MYO1E: variants seen among roughly 807,000 people sequenced by gnomAD.
The protein encoded by MYO1E is myosin IE.
A neutral mutation model predicts 151.1 loss-of-function variants in MYO1E; 68 were observed. The observed-to-expected ratio is 0.45, with a 90% CI of 0.37 to 0.55. The LOEUF (loss-of-function observed/expected upper bound fraction) is 0.55, where lower values mean the gene tolerates loss of function less well. MYO1E is among the 20% of genes least tolerant of loss of function. The pLI is 0.00. For missense variants in MYO1E, 1,363 were observed against 1,389.3 expected (o/e 0.98, Z 0.30); for synonymous variants, 601 against 501.7 (o/e 1.20, Z -2.64).
intron 14 of MYO1E, 23 bp from the exon 15 acceptor site, chr15:59,205,508 C>A (rs771903798): frequency 3.9e-5 from 58 of 1,492,254 alleles, no homozygotes; most frequent in Non-Finnish European, 4.7e-5. Context: ...GGAAAGAAAT[C>A]GAATTTCATT....
chr15:59,186,378 T>C (rs1042869793), intron 18 of MYO1E, among the ~76,000 whole-genome samples: 4 of 150,364 alleles, frequency 2.7e-5, no homozygotes, highest in African/African-American at 5.0e-5. Flanking sequence ...AATTAACTTC[T>C]TCTTCAGTTA....
intron 9 of MYO1E, among the ~76,000 whole-genome samples, chr15:59,219,142 T>C (rs1041570474): frequency 6.6e-6 from 1 of 152,188 alleles, no homozygotes; most frequent in Non-Finnish European, 1.5e-5. Context: ...CTGTGGTCTT[T>C]GGATAGAAAA....
chr15:59,136,125 C>G lies in MYO1E; in HGVS notation c.*1255G>C, dbSNP rs186989586. ...TGGCTGTCTTCTCCCTGCCTTTTCACATGGTCTTTCCTCTGGCATGTTGGT... is the reference window on the plus strand; with the variant it reads ...TGGCTGTCTTCTCCCTGCCTTTTCAGATGGTCTTTCCTCTGGCATGTTGGT... On this transcript the variant is annotated 3_prime_UTR_variant, in exon 28 of 28. Transcript: ENST00000288235. 1.5e-4 allele frequency: 23 copies of G among 152,660 alleles called. No homozygotes were observed. Among genetic ancestry groups the G allele is most frequent in the African/African-American group, 5.3e-4 (22 of 41,580 alleles). 9.5% of individuals were successfully genotyped at this position (152,660 alleles called of 1,614,324 possible).
At chr15:59,174,280 G>A in intron 19 of MYO1E, 40 bp from the exon 20 acceptor site, 1 of 1,423,516 alleles carries the variant, frequency 7.0e-7, no homozygotes, top group Non-Finnish European at 9.9e-7. Context: ...CAAGCCCCAA[G>A]CCCCAATCCC....
chr15:59,216,592 G>A (rs554383298), intron 10 of MYO1E, among the ~76,000 whole-genome samples: 1,153 of 103,136 alleles, frequency 0.011, 26 homozygotes, highest in African/African-American at 0.038. Context: ...GTGTGTGTGT[G>A]TGTATCTATC....
At chr15:59,262,206 T>C (rs1195090329) in intron 2 of MYO1E, among the ~76,000 whole-genome samples, 1 of 137,716 alleles carries the variant, frequency 7.3e-6, no homozygotes, top group Non-Finnish European at 1.6e-5. Context: ...GACTCTTGTC[T>C]CCAAAAAAAA....
intron 13 of MYO1E, among the ~76,000 whole-genome samples, chr15:59,209,729 T>C (rs1428896013): frequency 6.6e-6 from 1 of 151,792 alleles, no homozygotes. Flanking sequence ...CTACGGATGT[T>C]TTTACTGTTT....
At chr15:59,209,037 G>T in intron 13 of MYO1E, 189 bp from the exon 14 acceptor site, 1 of 694,886 alleles carries the variant, frequency 1.4e-6, no homozygotes, top group Non-Finnish European at 2.4e-6. Context: ...GATCTAAAGA[G>T]GGAGGAAACT....
At chr15:59,196,484 G>C (rs575805928) in intron 16 of MYO1E, among the ~76,000 whole-genome samples, 1 of 152,234 alleles carries the variant, frequency 6.6e-6, no homozygotes, top group East Asian at 1.9e-4. Context: ...AGCCTAAAGA[G>C]AGAAAACCTC....
At chr15:59,232,854 G>T (rs1019392736) in intron 5 of MYO1E, among the ~76,000 whole-genome samples, 1 of 152,142 alleles carries the variant, frequency 6.6e-6, no homozygotes, top group Non-Finnish European at 1.5e-5. Context: ...GTTACAAAGG[G>T]TGTAACAGGC....
chr15:59,178,037 T>C (rs1313353233), intron 19 of MYO1E, among the ~76,000 whole-genome samples: 1 of 152,216 alleles, frequency 6.6e-6, no homozygotes, highest in African/African-American at 2.4e-5. Flanking sequence ...TATTGAGCAT[T>C]TTCTGTGTGA....
intron 10 of MYO1E, among the ~76,000 whole-genome samples, chr15:59,217,522 T>TTTTTC (rs2079926640): frequency 9.0e-6 from 1 of 110,704 alleles, no homozygotes; most frequent in Non-Finnish European, 1.8e-5. Flanking sequence ...GTTTTACCTT[T>TTTTTC]TTTTTTTTTT....
chr15:59,233,350 G>T (rs904250573), intron 5 of MYO1E, among the ~76,000 whole-genome samples: 3 of 152,146 alleles, frequency 2.0e-5, no homozygotes, highest in Non-Finnish European at 4.4e-5. Context: ...AGGGAAAAGA[G>T]AAAGAGCAAA....
intron 1 of MYO1E, among the ~76,000 whole-genome samples, chr15:59,276,965 G>A (rs866914895): frequency 3.3e-5 from 5 of 152,184 alleles, no homozygotes; most frequent in African/African-American, 1.2e-4. Context: ...GTCCCAGGGA[G>A]CACTGTTCTT....
chr15:59,275,464 T>C (rs1161537500), intron 1 of MYO1E, among the ~76,000 whole-genome samples: 1 of 152,076 alleles, frequency 6.6e-6, no homozygotes, highest in Non-Finnish European at 1.5e-5. Context: ...CAGGCAATTA[T>C]AGTTACATAT....
chr15:59,264,737 C>T (rs1327861705), intron 2 of MYO1E, among the ~76,000 whole-genome samples: 6 of 152,264 alleles, frequency 3.9e-5, no homozygotes, highest in South Asian at 2.1e-4. Flanking sequence ...ATTGAATGAA[C>T]GAGCAGGTTG....
intron 1 of MYO1E, among the ~76,000 whole-genome samples, chr15:59,296,052 C>T (rs1413922353): frequency 6.6e-6 from 1 of 152,190 alleles, no homozygotes; most frequent in Non-Finnish European, 1.5e-5. Context: ...TTTAAAAACA[C>T]AATTTCTAAG....
At chr15:59,297,757 AT>A (rs1475181207) in intron 1 of MYO1E, among the ~76,000 whole-genome samples, 2 of 151,394 alleles carry the variant, frequency 1.3e-5, no homozygotes, top group Non-Finnish European at 2.9e-5. Flanking sequence ...ATTTTTTTGA[AT>A]TTTAGTACAG....
At position 59,372,531 on chromosome 15, in the gene MYO1E, G is replaced by A; in HGVS notation, c.-31C>T. The A allele has an allele frequency of 6.5e-7, 1 of 1,535,344 alleles. No individual in the cohort carries two copies. The highest frequency in any genetic ancestry group is 8.8e-7 in the Non-Finnish European group (1 of 1,140,700). On this transcript the variant is annotated 5_prime_UTR_variant, in exon 1 of 28. Coordinates refer to ENST00000288235, the MANE Select transcript of MYO1E (RefSeq NM_004998.4). ...CTCGCGCCGCGGTCGCGTCTTCGCCGGGTCCCGCTGCCGGGGAACTGGGGC... is the reference window on the plus strand; with the variant it reads ...CTCGCGCCGCGGTCGCGTCTTCGCCAGGTCCCGCTGCCGGGGAACTGGGGC...
Sources: allele counts gnomAD v4.1 joint callset (sites outside exome capture counted in the v4.1 genomes callset), GRCh38; gene constraint gnomAD v4.1.1; transcripts MANE v1.5; gene names NCBI Gene and HGNC (gene_info 2026-07-23, HGNC 2026-07-21).